The following KCNT2 variants were observed in gnomAD, a reference collection of about 807,000 sequenced individuals.
The protein encoded by KCNT2 is potassium channel subfamily T member 2.
In KCNT2, 67 loss-of-function variants were observed where a neutral mutation model predicts 153.8. The observed-to-expected ratio is 0.44, with a 90% CI of 0.36 to 0.53. The LOEUF (loss-of-function observed/expected upper bound fraction) is 0.53. KCNT2 is among the 20% of genes least tolerant of loss of function. The probability of loss-of-function intolerance (pLI) is 0.00; values close to 1 mark genes in which losing one functional copy is unlikely to be tolerated. For synonymous variants in KCNT2, 500 were observed against 458.8 expected, an observed-to-expected ratio of 1.09 and a Z score of -1.15; for missense variants, 975 against 1,354.8, an observed-to-expected ratio of 0.72 and a Z score of 4.40.
At chr1:196,238,797 C>G (rs973626200) in intron 26 of KCNT2, among the ~76,000 whole-genome samples, 2 of 151,812 alleles carry the variant, frequency 1.3e-5, no homozygotes, top group Non-Finnish European at 2.9e-5. Flanking sequence ...AACCTGCATG[C>G]TGTGTACATG....
intron 1 of KCNT2, among the ~76,000 whole-genome samples, chr1:196,570,278 T>G (rs1027207469): frequency 2.0e-5 from 3 of 152,168 alleles, no homozygotes; most frequent in Non-Finnish European, 4.4e-5. Flanking sequence ...TTTGATATTC[T>G]TATTGTTTAA....
chr1:196,520,524 T>G (rs1474186472), intron 1 of KCNT2, among the ~76,000 whole-genome samples: 2 of 152,070 alleles, frequency 1.3e-5, no homozygotes, highest in African/African-American at 4.8e-5. Context: ...CTATCCCTGT[T>G]TGTAGATGAC....
chr1:196,557,354 T>G (rs1658816024), intron 1 of KCNT2, among the ~76,000 whole-genome samples: 1 of 151,264 alleles, frequency 6.6e-6, no homozygotes, highest in Non-Finnish European at 1.5e-5. Flanking sequence ...AAATTCAACT[T>G]TTCTAGAATT....
At chr1:196,421,472 T>C (rs1178825050) in intron 12 of KCNT2, among the ~76,000 whole-genome samples, 1 of 152,022 alleles carries the variant, frequency 6.6e-6, no homozygotes, top group Non-Finnish European at 1.5e-5. Flanking sequence ...CACTTGATTA[T>C]CTTCAGTTCA....
At chr1:196,313,111 A>G (rs1662350851) in intron 21 of KCNT2, among the ~76,000 whole-genome samples, 2 of 151,698 alleles carry the variant, frequency 1.3e-5, no homozygotes, top group African/African-American at 4.8e-5. Flanking sequence ...GATTATCATG[A>G]CTGATCATAG....
chr1:196,295,157 T>C (rs1660564852), intron 22 of KCNT2, among the ~76,000 whole-genome samples: 1 of 151,550 alleles, frequency 6.6e-6, no homozygotes, highest in African/African-American at 2.4e-5. Flanking sequence ...TGTATATATG[T>C]GTATATATAT....
chr1:196,340,586 A>C lies in KCNT2; in HGVS notation c.1554-16T>G. 6.9e-7 allele frequency: 1 copy of C among 1,459,642 alleles called. No individual in the cohort carries two copies. The highest frequency in any genetic ancestry group is 9.3e-7 in the Non-Finnish European group (1 of 1,076,972). 90.4% of individuals were successfully genotyped at this position (1,459,642 alleles called of 1,614,324 possible). A position where few individuals can be genotyped will look rare whatever the true frequency, so the allele number is the denominator to read the frequency against. On this transcript the variant is annotated splice_polypyrimidine_tract_variant and intron_variant, in intron 15 of 27. Coordinates refer to ENST00000294725, the MANE Select transcript of KCNT2 (RefSeq NM_198503.5). ...GACGCCAAACCTTAATTTAAAAAAA[A>C]AGAGAGTTTGTAAGAAAATTAGTAA...
intron 1 of KCNT2, among the ~76,000 whole-genome samples, chr1:196,519,353 C>A (rs1441980827): frequency 6.6e-6 from 1 of 151,904 alleles, no homozygotes; most frequent in Non-Finnish European, 1.5e-5. Context: ...AGAAAGATCT[C>A]AAATTAACAC....
At chr1:196,254,799 G>A (rs892324465) in intron 26 of KCNT2, among the ~76,000 whole-genome samples, 1 of 151,488 alleles carries the variant, frequency 6.6e-6, no homozygotes, top group East Asian at 1.9e-4. Context: ...AGCTATAAAA[G>A]AGTTCTTGGT....
intron 12 of KCNT2, among the ~76,000 whole-genome samples, chr1:196,406,597 A>C (rs1020419211): frequency 7.3e-5 from 11 of 151,304 alleles, no homozygotes; most frequent in Admixed American, 5.3e-4. Context: ...AAAGTCAAAA[A>C]AAAAAAAAAA....
chr1:196,282,476 T>G (rs1659204920), intron 23 of KCNT2, 120 bp from the exon 24 acceptor site: 1 of 552,548 alleles, frequency 1.8e-6, no homozygotes, highest in East Asian at 2.9e-5. Context: ...TCATATCACA[T>G]TTTTAACCCT....
intron 1 of KCNT2, among the ~76,000 whole-genome samples, chr1:196,547,105 T>C (rs1489800791): frequency 6.6e-6 from 1 of 151,986 alleles, no homozygotes. Context: ...CGTATTTTCA[T>C]AAGCATGCAA....
chr1:196,421,599 A>G (rs185033939), intron 12 of KCNT2, among the ~76,000 whole-genome samples: 1 of 152,104 alleles, frequency 6.6e-6, no homozygotes, highest in Non-Finnish European at 1.5e-5. Context: ...TAAGGTAGTA[A>G]TTGTGAAGAA....
intron 8 of KCNT2, among the ~76,000 whole-genome samples, chr1:196,438,056 T>C (rs1674883008): frequency 6.6e-6 from 1 of 151,688 alleles, no homozygotes; most frequent in Non-Finnish European, 1.5e-5. Context: ...AAAGCAAATA[T>C]ATTAATAATA....
At chr1:196,365,985 G>A (rs907767003) in intron 14 of KCNT2, among the ~76,000 whole-genome samples, 3 of 152,006 alleles carry the variant, frequency 2.0e-5, no homozygotes, top group African/African-American at 7.3e-5. Context: ...TTTAAATGGG[G>A]TTTATATGGT....
chr1:196,273,982 T>G (rs930369660), intron 25 of KCNT2, among the ~76,000 whole-genome samples: 1 of 151,864 alleles, frequency 6.6e-6, no homozygotes, highest in East Asian at 1.9e-4. Context: ...ACTATAGTCA[T>G]AACAGAATAC....
chr1:196,563,458 G>GAAAAAAAA (rs529874769), intron 1 of KCNT2, among the ~76,000 whole-genome samples: 2 of 82,884 alleles, frequency 2.4e-5, no homozygotes, highest in Non-Finnish European at 2.5e-5. Flanking sequence ...AAAGAAAAAA[G>GAAAAAAAA]AAAAAAAAAA....
rs2102202844 is a variant in KCNT2 at position 196,227,819 on chromosome 1, A to T, written c.*405T>A. ...TTGTAAAACAGTAAGTTTAAAGAAT[A>T]TAATATGACACATTTAATTTTTAAG... On this transcript the variant is annotated 3_prime_UTR_variant, in exon 28 of 28. Coordinates refer to ENST00000294725, the MANE Select transcript of KCNT2 (RefSeq NM_198503.5). 1 of 155,040 alleles carries T rather than the reference A, an allele frequency of 6.4e-6. No individual in the cohort carries two copies. The highest frequency in any genetic ancestry group is 6.5e-5 in the Admixed American group (1 of 15,412). 9.6% of individuals were successfully genotyped at this position (155,040 alleles called of 1,614,324 possible).
chr1:196,294,328 T>C (rs558140034), intron 22 of KCNT2, among the ~76,000 whole-genome samples: 9 of 152,238 alleles, frequency 5.9e-5, no homozygotes, highest in Non-Finnish European at 1.3e-4. Context: ...CAGGCTAGAG[T>C]GCAGTGGTGC....
Sources: allele counts gnomAD v4.1 joint callset (sites outside exome capture counted in the v4.1 genomes callset), GRCh38; gene constraint gnomAD v4.1.1; transcripts MANE v1.5; gene names NCBI Gene and HGNC (gene_info 2026-07-23, HGNC 2026-07-21).